The following SRBD1 variants were observed in gnomAD, a reference collection of about 807,000 sequenced individuals.
The protein encoded by SRBD1 is S1 RNA binding domain 1.
A neutral mutation model predicts 115.3 loss-of-function variants in SRBD1; 88 were observed. The ratio of observed to expected loss-of-function variants is 0.76; its 90% CI spans 0.64 to 0.91. SRBD1 has a LOEUF of 0.91. SRBD1 is among the 40% of genes least tolerant of loss of function. The pLI is 0.00. For missense variants in SRBD1, 1,385 were observed against 1,177.4 expected, an observed-to-expected ratio of 1.18 and a Z score of -2.58; for synonymous variants, 509 against 407.7, an observed-to-expected ratio of 1.25 and a Z score of -2.99.
chr2:45,481,784 G>A lies in SRBD1; in HGVS notation c.1967-4709C>T, dbSNP rs77996344. Among the ~76,000 whole-genome samples the A allele has an allele frequency of 2.5e-4, 38 of 152,208 alleles. No individual in the cohort carries two copies. The East Asian group carries it at 5.8e-3, about 23-fold the overall frequency. ...ATAGAATGTTATTTGCCAATAAAAA[G>A]AAATGAAGTGCTGATACATGCTACA... is the stretch of plus-strand genomic sequence containing the variant. On this transcript the variant is annotated intron_variant, in intron 15 of 20. Coordinates refer to ENST00000263736, the MANE Select transcript of SRBD1 (RefSeq NM_018079.5).
chr2:45,420,976 G>C (rs1667981280), intron 16 of SRBD1, among the ~76,000 whole-genome samples: 1 of 152,138 alleles, frequency 6.6e-6, no homozygotes, highest in African/African-American at 2.4e-5. Flanking sequence ...AATCTTAACA[G>C]AGGTTATTAA....
chr2:45,518,819 T>G (rs1210303489), intron 14 of SRBD1, among the ~76,000 whole-genome samples: 2 of 152,150 alleles, frequency 1.3e-5, no homozygotes, highest in Non-Finnish European at 2.9e-5. Context: ...TTTGTTTACG[T>G]TAATGAGGCA....
intron 11 of SRBD1, among the ~76,000 whole-genome samples, chr2:45,552,094 G>C (rs548433848): frequency 1.7e-4 from 26 of 152,280 alleles, no homozygotes; most frequent in Admixed American, 7.8e-4. Flanking sequence ...GACAGAGATA[G>C]ATGTGAAAAA....
intron 16 of SRBD1, among the ~76,000 whole-genome samples, chr2:45,438,110 G>A (rs754906321): frequency 1.3e-5 from 2 of 152,050 alleles, no homozygotes; most frequent in Non-Finnish European, 2.9e-5. Context: ...GTGCATATGT[G>A]GCAGGAAGAT....
intron 15 of SRBD1, among the ~76,000 whole-genome samples, chr2:45,482,857 C>A (rs1051594876): frequency 1.3e-5 from 2 of 151,968 alleles, no homozygotes; most frequent in African/African-American, 4.8e-5. Context: ...CTACACATAC[C>A]CTGCCATTTA....
At chr2:45,438,766 G>T (rs939122343) in intron 16 of SRBD1, among the ~76,000 whole-genome samples, 1 of 152,122 alleles carries the variant, frequency 6.6e-6, no homozygotes, top group African/African-American at 2.4e-5. Flanking sequence ...ACAACTATAT[G>T]TAACTGGAGT....
At chr2:45,520,599 C>A (rs976322676) in intron 14 of SRBD1, among the ~76,000 whole-genome samples, 2 of 152,164 alleles carry the variant, frequency 1.3e-5, no homozygotes, top group Non-Finnish European at 2.9e-5. Flanking sequence ...GCCTTCCTAT[C>A]CTGAACCCAT....
intron 19 of SRBD1, among the ~76,000 whole-genome samples, chr2:45,411,084 T>C (rs76715331): frequency 8.1e-4 from 124 of 152,268 alleles, no homozygotes; most frequent in Middle Eastern, 6.8e-3. Context: ...ACCTCTCAAG[T>C]TGGGAGCAAT....
At chr2:45,520,711 A>G (rs890012980) in intron 14 of SRBD1, among the ~76,000 whole-genome samples, 8 of 152,186 alleles carry the variant, frequency 5.3e-5, no homozygotes, top group Admixed American at 3.9e-4. Context: ...GAACACCAAG[A>G]TGAGTTTGGC....
intron 17 of SRBD1, 35 bp downstream of exon 17, chr2:45,419,753 A>C: frequency 1.9e-6 from 3 of 1,596,462 alleles, no homozygotes; most frequent in Non-Finnish European, 2.6e-6. Flanking sequence ...GTTAAACTCA[A>C]GATTCTGTGA....
At chr2:45,427,593 A>T (rs1252939260) in intron 16 of SRBD1, among the ~76,000 whole-genome samples, 1 of 152,040 alleles carries the variant, frequency 6.6e-6, no homozygotes, top group East Asian at 1.9e-4. Flanking sequence ...AAATAGAGGG[A>T]CTCCTCCCTA....
chr2:45,553,825 G>A, intron 10 of SRBD1, 95 bp from the exon 11 acceptor site: 1 of 627,000 alleles, frequency 1.6e-6, no homozygotes, highest in Non-Finnish European at 2.6e-6. Context: ...TACAGAAGCG[G>A]GGAAAACCTT....
In SRBD1 at chr2:45,604,431, C is replaced by G. The variant is rs718733; in HGVS notation, c.80+931G>C. ...GCTTAGAATTAAGCCTTGAGGGATT[C>G]CAACATTTAGAGGGTGGTGAGAAGA... On this transcript the variant is annotated intron_variant, in intron 2 of 20. Coordinates refer to ENST00000263736, the MANE Select transcript of SRBD1 (RefSeq NM_018079.5). Among the ~76,000 whole-genome samples, 165 of 152,060 alleles carry G rather than the reference C, an allele frequency of 1.1e-3. 6 individuals are homozygous for G. In the East Asian group the frequency reaches 0.031, roughly 28 times the overall value.
intron 1 of SRBD1, among the ~76,000 whole-genome samples, chr2:45,610,863 G>C (rs933577076): frequency 6.6e-6 from 1 of 151,884 alleles, no homozygotes; most frequent in African/African-American, 2.4e-5. Flanking sequence ...GGGAGGCGGA[G>C]CTTGCAGTGA....
intron 15 of SRBD1, among the ~76,000 whole-genome samples, chr2:45,487,414 A>T (rs994048274): frequency 6.6e-6 from 1 of 152,184 alleles, no homozygotes; most frequent in Non-Finnish European, 1.5e-5. Context: ...AAGCAATCAA[A>T]TACAACTAAA....
intron 14 of SRBD1, among the ~76,000 whole-genome samples, chr2:45,497,282 T>C (rs1490515594): frequency 6.6e-6 from 1 of 152,192 alleles, no homozygotes; most frequent in Non-Finnish European, 1.5e-5. Context: ...ACCAAGAACA[T>C]GAAAGGCCAG....
intron 5 of SRBD1, among the ~76,000 whole-genome samples, chr2:45,584,698 C>T (rs1177078926): frequency 6.6e-6 from 1 of 151,928 alleles, no homozygotes; most frequent in Non-Finnish European, 1.5e-5. Context: ...TTTAATAAAC[C>T]CTATCGAATA....
In SRBD1 at chr2:45,599,683, T is replaced by A. The variant is rs1014340646; in HGVS notation, c.414A>T (p.Glu138Asp). The A allele has an allele frequency of 6.2e-7, 1 of 1,614,120 alleles. No individual in the cohort carries two copies. The highest frequency in any genetic ancestry group is 1.3e-5 in the African/African-American group (1 of 74,954). The change falls in exon 4 of 21, where the codon GAA becomes GAT. Residue 138 changes from glutamate to aspartate, a missense_variant. Coordinates refer to ENST00000263736, the MANE Select transcript of SRBD1 (RefSeq NM_018079.5). ...RRTKKLKVEE[E>D]TSKASNLEGE... ...CCTCTAAGTTGCTGGCTTTGCTGGTTTCTTCTTCAACTTTCAGCTTTTTAG... is the reference window on the plus strand; with the variant it reads ...CCTCTAAGTTGCTGGCTTTGCTGGTATCTTCTTCAACTTTCAGCTTTTTAG...
At chr2:45,528,971 C>T (rs1161107113) in intron 14 of SRBD1, among the ~76,000 whole-genome samples, 1 of 151,912 alleles carries the variant, frequency 6.6e-6, no homozygotes, top group East Asian at 1.9e-4. Context: ...ATGCCAAGCA[C>T]TGTACAGATA....
Sources: allele counts gnomAD v4.1 joint callset (sites outside exome capture counted in the v4.1 genomes callset), GRCh38; gene constraint gnomAD v4.1.1; transcripts MANE v1.5; gene names NCBI Gene and HGNC (gene_info 2026-07-23, HGNC 2026-07-21).